CFAP70: variants seen among roughly 807,000 people sequenced by gnomAD.
CFAP70 encodes the protein cilia- and flagella-associated protein 70.
In CFAP70, 81 loss-of-function variants were observed where a neutral mutation model predicts 137.6. The observed-to-expected ratio is 0.59, with a 90% CI of 0.49 to 0.71. The LOEUF (loss-of-function observed/expected upper bound fraction) is 0.71, where lower values mean the gene tolerates loss of function less well. Ranked by LOEUF, CFAP70 falls within the 30% of genes least tolerant of loss-of-function variation. The probability of loss-of-function intolerance (pLI) is 0.00; values close to 1 mark genes in which losing one functional copy is unlikely to be tolerated. For synonymous variants in CFAP70, 382 were observed against 423.6 expected, an observed-to-expected ratio of 0.90 and a Z score of 1.20; for missense variants, 976 against 1,226.7, an observed-to-expected ratio of 0.80 and a Z score of 3.05.
intron 11 of CFAP70, among the ~76,000 whole-genome samples, chr10:73,310,753 CTT>C (rs1295612022): frequency 6.6e-6 from 1 of 152,174 alleles, no homozygotes; most frequent in Non-Finnish European, 1.5e-5. Flanking sequence ...GTCAATCTCT[CTT>C]GATTTTTCTC....
At chr10:73,351,033 A>G (rs1386572266) in intron 3 of CFAP70, among the ~76,000 whole-genome samples, 19 of 129,556 alleles carry the variant, frequency 1.5e-4, no homozygotes, top group African/African-American at 2.6e-4. Context: ...ATATGTGTAT[A>G]TGTGTGTATA....
intron 25 of CFAP70, among the ~76,000 whole-genome samples, chr10:73,268,463 G>T (rs2045963673): frequency 6.6e-6 from 1 of 152,022 alleles, no homozygotes; most frequent in Admixed American, 6.6e-5. Flanking sequence ...GTTCTACATT[G>T]GTGTTTGAAC....
intron 3 of CFAP70, among the ~76,000 whole-genome samples, chr10:73,353,217 G>A (rs1444276697): frequency 6.6e-6 from 1 of 152,164 alleles, no homozygotes; most frequent in Non-Finnish European, 1.5e-5. Context: ...CTTTCTGAGA[G>A]TCTTAACTTG....
chr10:73,269,163 T>C (rs1434942007), intron 25 of CFAP70, among the ~76,000 whole-genome samples: 1 of 152,198 alleles, frequency 6.6e-6, no homozygotes, highest in Admixed American at 6.5e-5. Context: ...CTTAGACTGA[T>C]ACGCAAGTTA....
At chr10:73,316,249 T>A (rs145295253) in intron 9 of CFAP70, among the ~76,000 whole-genome samples, 168 of 152,078 alleles carry the variant, frequency 1.1e-3, no homozygotes, top group African/African-American at 2.1e-3. Context: ...TATAGTTGAA[T>A]CTTGATTTTT....
At chr10:73,274,317 G>T in intron 23 of CFAP70, 116 bp downstream of exon 24, 1 of 1,182,264 alleles carries the variant, frequency 8.5e-7, no homozygotes, top group African/African-American at 1.6e-5. Flanking sequence ...CTTTACCTTT[G>T]GATGTAAAAG....
At chr10:73,356,064 TG>T in intron 1 of CFAP70, among the ~76,000 whole-genome samples, 1 of 152,342 alleles carries the variant, frequency 6.6e-6, no homozygotes, top group South Asian at 2.1e-4. Context: ...CCACACAAAA[TG>T]GTAGTCCACT....
At chr10:73,305,738 CAT>C (rs1307819953) in intron 12 of CFAP70, among the ~76,000 whole-genome samples, 7 of 152,156 alleles carry the variant, frequency 4.6e-5, no homozygotes, top group East Asian at 1.9e-4. Context: ...AAAATTCCCA[CAT>C]GATAGTATCC....
intron 12 of CFAP70, among the ~76,000 whole-genome samples, chr10:73,309,826 T>G (rs2049758311): frequency 6.6e-6 from 1 of 151,868 alleles, no homozygotes; most frequent in Non-Finnish European, 1.5e-5. Context: ...CCGGCTAATT[T>G]TTTGTATTTT....
At chr10:73,336,502 A>G (rs1383228953) in intron 6 of CFAP70, among the ~76,000 whole-genome samples, 2 of 152,048 alleles carry the variant, frequency 1.3e-5, no homozygotes, top group African/African-American at 4.8e-5. Context: ...TCATTTTACA[A>G]ATTATTTTAT....
At position 73,289,440 on chromosome 10, in the gene CFAP70, G is replaced by A. The variant is rs778994685; in HGVS notation, c.2239+1786C>T. ...AGCTGGGACTACAGGCCTGTGCCAC[G>A]GGTCCAGCTAATTTTTTGTATTTTT... is the stretch of plus-strand genomic sequence containing the variant. On this transcript the variant is annotated intron_variant, in intron 19 of 26. Coordinates refer to ENST00000310715, the Ensembl canonical transcript of CFAP70. 1.2e-3 allele frequency among the ~76,000 whole-genome samples: 185 copies of A among 151,822 alleles called. 1 individual carries two copies. Among genetic ancestry groups the A allele is most frequent in the Non-Finnish European group, 8.1e-4 (55 of 67,936 alleles).
intron 19 of CFAP70, among the ~76,000 whole-genome samples, chr10:73,286,862 GGGGATGGGCCGAAACAAA>G (rs148840781): frequency 0.043 from 6,613 of 152,292 alleles, 440 homozygotes; most frequent in African/African-American, 0.14. Context: ...TGGGAAACAA[GGGGATGGGCCGAAACAAA>G]GGGATGGGCT....
intron 9 of CFAP70, among the ~76,000 whole-genome samples, chr10:73,322,198 G>T (rs949942618): frequency 1.4e-4 from 22 of 152,116 alleles, no homozygotes; most frequent in Non-Finnish European, 2.5e-4. Context: ...TGACATATGT[G>T]TATATGTATG....
intron 24 of CFAP70, among the ~76,000 whole-genome samples, chr10:73,270,457 C>T (rs1389767796): frequency 2.2e-5 from 2 of 92,830 alleles, no homozygotes; most frequent in African/African-American, 8.4e-5. Flanking sequence ...CCTCCCCAGC[C>T]ACCCTTTTCT....
At chr10:73,299,635 A>G in exon 13 of CFAP70, 9 of 1,613,262 alleles carry the variant, frequency 5.6e-6, no homozygotes, top group African/African-American at 1.3e-5. Flanking sequence ...GACGGGTAAG[A>G]GGAGGCCTTG....
intron 9 of CFAP70, among the ~76,000 whole-genome samples, chr10:73,317,228 G>C (rs1008873719): frequency 6.6e-6 from 1 of 152,070 alleles, no homozygotes; most frequent in African/African-American, 2.4e-5. Flanking sequence ...ATGTTGGCCA[G>C]GCTGGTCTCA....
chr10:73,330,036 C>T (rs1453914581), intron 8 of CFAP70, among the ~76,000 whole-genome samples: 3 of 151,984 alleles, frequency 2.0e-5, no homozygotes, highest in Admixed American at 6.6e-5. Flanking sequence ...GTATGGTTTG[C>T]CACAGAAAAT....
chr10:73,299,087 G>A (rs1363152488), exon 14 of CFAP70: 2 of 1,611,148 alleles, frequency 1.2e-6, no homozygotes, highest in Admixed American at 3.4e-5. Flanking sequence ...TCTGTATGTG[G>A]TAGTCACTCA....
At chr10:73,330,539 G>C (rs901568087) in intron 8 of CFAP70, among the ~76,000 whole-genome samples, 4 of 151,628 alleles carry the variant, frequency 2.6e-5, no homozygotes, top group Non-Finnish European at 5.9e-5. Context: ...ATACTACAAA[G>C]GGAGAAATGG....
Sources: gnomAD v4.1 joint callset for allele counts (sites outside exome capture counted in the v4.1 genomes callset) on GRCh38, gnomAD v4.1.1 for gene constraint, MANE v1.5 for transcripts, NCBI Gene and HGNC (gene_info 2026-07-23, HGNC 2026-07-21) for gene names.